The following NEGR1 variants were observed in gnomAD, a reference collection of about 807,000 sequenced individuals.
NEGR1 encodes the protein IgLON family member 4.
NEGR1 carries 10 observed loss-of-function variants against 40.9 expected under a neutral mutation model. The ratio of observed to expected loss-of-function variants is 0.24; its 90% CI spans 0.15 to 0.42. The LOEUF is 0.42. NEGR1 is among the 10% of genes least tolerant of loss of function. NEGR1 has a pLI of 1.00. For synonymous variants in NEGR1, 185 were observed against 166.8 expected, an observed-to-expected ratio of 1.11 and a Z score of -0.84; for missense variants, 352 against 438.9, an observed-to-expected ratio of 0.80 and a Z score of 1.77.
chr1:71,825,218 T>C (rs1017656582), intron 2 of NEGR1, among the ~76,000 whole-genome samples: 4 of 151,970 alleles, frequency 2.6e-5, no homozygotes, highest in Admixed American at 6.6e-5. Flanking sequence ...GTGGTTTCAA[T>C]TTGCATTTTC....
intron 1 of NEGR1, among the ~76,000 whole-genome samples, chr1:71,968,899 T>A (rs1646233226): frequency 6.6e-6 from 1 of 152,218 alleles, no homozygotes; most frequent in Non-Finnish European, 1.5e-5. Flanking sequence ...TTCAAAATGT[T>A]CCACTCTACT....
intron 2 of NEGR1, among the ~76,000 whole-genome samples, chr1:71,906,284 C>T (rs917689966): frequency 6.6e-6 from 1 of 151,836 alleles, no homozygotes; most frequent in Non-Finnish European, 1.5e-5. Context: ...CATTGGGTAC[C>T]GTATACGCTG....
chr1:71,931,242 T>TA (rs1645852922), intron 2 of NEGR1, among the ~76,000 whole-genome samples: 1 of 152,200 alleles, frequency 6.6e-6, no homozygotes, highest in South Asian at 2.1e-4. Context: ...AGAGAAAACT[T>TA]AGAGTGTATT....
At chr1:72,003,960 A>C (rs1246655850) in intron 1 of NEGR1, among the ~76,000 whole-genome samples, 1 of 152,106 alleles carries the variant, frequency 6.6e-6, no homozygotes, top group Non-Finnish European at 1.5e-5. Flanking sequence ...ATAGACAATA[A>C]ATGAGAGATT....
At chr1:72,013,453 C>A (rs374754851) in intron 1 of NEGR1, among the ~76,000 whole-genome samples, 1 of 152,236 alleles carries the variant, frequency 6.6e-6, no homozygotes, top group East Asian at 1.9e-4. Context: ...TAACTTCAAA[C>A]ATATTAGGGG....
At chr1:72,117,786 C>T (rs1031734958) in intron 1 of NEGR1, among the ~76,000 whole-genome samples, 1 of 151,768 alleles carries the variant, frequency 6.6e-6, no homozygotes, top group East Asian at 1.9e-4. Context: ...TTTATATAGG[C>T]CAGACTGTAA....
intron 1 of NEGR1, among the ~76,000 whole-genome samples, chr1:72,256,449 T>C (rs1192053041): frequency 6.6e-6 from 1 of 152,234 alleles, no homozygotes; most frequent in Non-Finnish European, 1.5e-5. Context: ...TGCTTTTTGT[T>C]TATTTGTGTA....
chr1:71,598,948 C>T (rs1649830093), intron 5 of NEGR1, among the ~76,000 whole-genome samples: 2 of 152,092 alleles, frequency 1.3e-5, no homozygotes, highest in Admixed American at 1.3e-4. Flanking sequence ...TCTGTTAGGG[C>T]AAGGTTCAAG....
chr1:71,755,955 T>G (rs1255205852), intron 3 of NEGR1, among the ~76,000 whole-genome samples: 1 of 152,218 alleles, frequency 6.6e-6, no homozygotes, highest in Non-Finnish European at 1.5e-5. Context: ...GGATATTTTA[T>G]TTAAGTAATC....
chr1:71,563,959 GA>G (rs923032908), intron 6 of NEGR1, among the ~76,000 whole-genome samples: 119 of 142,756 alleles, frequency 8.3e-4, no homozygotes, highest in Middle Eastern at 3.5e-3. Context: ...GATCGGGGAG[GA>G]AAAAAAAAAA....
intron 6 of NEGR1, among the ~76,000 whole-genome samples, chr1:71,529,111 TGAC>T (rs1647284768): frequency 6.6e-6 from 1 of 151,282 alleles, no homozygotes; most frequent in Non-Finnish European, 1.5e-5. Context: ...TTTTAGTTGA[TGAC>T]TGCTAAAGAT....
chr1:71,449,021 T>C (rs1037947644), intron 6 of NEGR1, among the ~76,000 whole-genome samples: 26 of 152,184 alleles, frequency 1.7e-4, no homozygotes, highest in African/African-American at 6.0e-4. Flanking sequence ...TGAGAGCACA[T>C]TGCTTTCATA....
intron 1 of NEGR1, among the ~76,000 whole-genome samples, chr1:72,247,683 C>T (rs1049468998): frequency 2.6e-5 from 4 of 152,192 alleles, no homozygotes; most frequent in African/African-American, 9.7e-5. Flanking sequence ...TCCATATTTT[C>T]CCTTCTTCCT....
intron 4 of NEGR1, among the ~76,000 whole-genome samples, chr1:71,681,629 A>G (rs1652841268): frequency 6.6e-6 from 1 of 152,162 alleles, no homozygotes; most frequent in Non-Finnish European, 1.5e-5. Context: ...TTTCAGAATG[A>G]GAATTTTAAA....
chr1:71,841,471 A>G (rs1183138476), intron 2 of NEGR1, among the ~76,000 whole-genome samples: 1 of 152,132 alleles, frequency 6.6e-6, no homozygotes, highest in Non-Finnish European at 1.5e-5. Flanking sequence ...TATCCTGTGT[A>G]TAGCAACAAT....
Position 71,755,908 on chromosome 1 carries a change from T to G in NEGR1, c.535+20264A>C, listed in dbSNP as rs190217640. Among the ~76,000 whole-genome samples the G allele has an allele frequency of 1.3e-4, 20 of 152,302 alleles. No individual in the cohort carries two copies. The East Asian group carries it at 3.7e-3, about 28-fold the overall frequency. ...AGTTTTGAAGAAAACAGATGTAAAA[T>G]AAATATTTATAATATAACCTTTATG... On this transcript the variant is annotated intron_variant, in intron 3 of 6. Coordinates refer to ENST00000357731, the MANE Select transcript of NEGR1 (RefSeq NM_173808.3).
chr1:71,605,887 C>G (rs1247391254), intron 5 of NEGR1, among the ~76,000 whole-genome samples: 4 of 152,092 alleles, frequency 2.6e-5, no homozygotes, highest in African/African-American at 9.7e-5. Flanking sequence ...ATTAGCCACT[C>G]TCATGGTGGA....
In NEGR1 at chr1:71,999,200, C is replaced by T. The variant is rs904633360; in HGVS notation, c.177-63889G>A. Among the ~76,000 whole-genome samples the T allele has an allele frequency of 6.6e-5, 10 of 151,768 alleles. No individual in the cohort carries two copies. The East Asian group carries it at 1.9e-3, about 29-fold the overall frequency. On this transcript the variant is annotated intron_variant, in intron 1 of 6. Coordinates refer to ENST00000357731, the MANE Select transcript of NEGR1 (RefSeq NM_173808.3). Reference sequence around the variant, plus strand: ...AGGGCTGAAAAGGAATATAAGAATGCCCACTCCAGGCTTCAATGAGGCCAT... The same window carrying T: ...AGGGCTGAAAAGGAATATAAGAATGTCCACTCCAGGCTTCAATGAGGCCAT...
At chr1:71,520,601 T>A (rs1647149317) in intron 6 of NEGR1, among the ~76,000 whole-genome samples, 1 of 152,074 alleles carries the variant, frequency 6.6e-6, no homozygotes, top group Non-Finnish European at 1.5e-5. Flanking sequence ...AGAACCCTTT[T>A]TTGGTTATTC....
Sources: allele counts gnomAD v4.1 joint callset (sites outside exome capture counted in the v4.1 genomes callset), GRCh38; gene constraint gnomAD v4.1.1; transcripts MANE v1.5; gene names NCBI Gene and HGNC (gene_info 2026-07-23, HGNC 2026-07-21).